The following URB1 variants were observed in gnomAD, a reference collection of about 807,000 sequenced individuals.
The protein encoded by URB1 is nucleolar pre-ribosomal-associated protein 1.
A neutral mutation model predicts 242.3 loss-of-function variants in URB1; 197 were observed. The observed-to-expected ratio is 0.81, with a 90% CI of 0.72 to 0.91. The LOEUF is 0.91. Among genes scored for constraint, URB1 ranks in the 40% least tolerant of loss-of-function variants. The pLI is 0.00. For synonymous variants in URB1, 1,153 were observed against 1,201.8 expected, an observed-to-expected ratio of 0.96 and a Z score of 0.84; for missense variants, 2,721 against 2,860.5, an observed-to-expected ratio of 0.95 and a Z score of 1.11.
At chr21:32,324,363 A>G (rs2032802512) in intron 32 of URB1, 128 bp downstream of exon 32, 5 of 744,158 alleles carry the variant, frequency 6.7e-6, no homozygotes, top group South Asian at 1.8e-5. Context: ...ATCTTCCACA[A>G]TCATGAGCAC....
At chr21:32,322,390 G>T (rs1232667248) in intron 33 of URB1, 88 bp downstream of exon 33, 3 of 1,215,148 alleles carry the variant, frequency 2.5e-6, no homozygotes, top group Admixed American at 2.0e-5. Flanking sequence ...CAGCATACAG[G>T]ATCCATGGGG....
chr21:32,376,231 A>C (rs1333563075), intron 5 of URB1, among the ~76,000 whole-genome samples: 1 of 152,202 alleles, frequency 6.6e-6, no homozygotes, highest in African/African-American at 2.4e-5. Context: ...TGGGTGATTT[A>C]GTTTGTTTAC....
intron 32 of URB1, among the ~76,000 whole-genome samples, chr21:32,323,224 A>C (rs2032788709): frequency 6.6e-6 from 1 of 152,194 alleles, no homozygotes; most frequent in Admixed American, 6.5e-5. Flanking sequence ...TCTCCAAGGC[A>C]AGTAAATCCA....
At chr21:32,325,694 C>T (rs2032821789) in intron 30 of URB1, among the ~76,000 whole-genome samples, 1 of 152,212 alleles carries the variant, frequency 6.6e-6, no homozygotes, top group South Asian at 2.1e-4. Context: ...CTGAGACCCA[C>T]TGCGGAGACC....
intron 18 of URB1, among the ~76,000 whole-genome samples, chr21:32,353,158 C>A (rs779798567): frequency 6.6e-6 from 1 of 152,166 alleles, no homozygotes; most frequent in Non-Finnish European, 1.5e-5. Context: ...ATGTAAAAGG[C>A]CAGGCAAAAG....
Position 32,341,709 on chromosome 21 carries a change from A to T in URB1, c.4258-185T>A, listed in dbSNP as rs576808053. ...GTCCCCTTCTGCTCTGACACTTGTG[A>T]TTCAACCCAGCAGCTGCTCTGTTCT... On this transcript the variant is annotated intron_variant, in intron 24 of 38. Transcript: ENST00000382751. Among the ~76,000 whole-genome samples, 35 of 152,248 alleles carry T rather than the reference A, an allele frequency of 2.3e-4. No homozygotes were observed. The South Asian group carries it at 7.3e-3, about 32-fold the overall frequency.
intron 7 of URB1, among the ~76,000 whole-genome samples, 176 bp downstream of exon 7, chr21:32,373,471 G>GA (rs1260697503): frequency 6.6e-6 from 1 of 151,866 alleles, no homozygotes; most frequent in Non-Finnish European, 1.5e-5. Flanking sequence ...GAAATTAGGG[G>GA]AAAAAAATCC....
chr21:32,382,687 C>G (rs1343748590), intron 4 of URB1, among the ~76,000 whole-genome samples: 1 of 152,110 alleles, frequency 6.6e-6, no homozygotes, highest in Admixed American at 6.5e-5. Context: ...GTTCACAGCA[C>G]TGAATTCCAG....
rs774304309 is a variant in URB1, at chr21:32,314,892, G to A, written c.*26C>T. On this transcript the variant is annotated 3_prime_UTR_variant, in exon 39 of 39. Transcript: ENST00000382751. ...GCTGTGCTCGAGGCTCTGGTCATCA[G>A]GGTGCAAGGTGCTGGCCGGCAGGAG... 1.9e-6 allele frequency: 3 copies of A among 1,542,564 alleles called. No homozygotes were observed. The highest frequency in any genetic ancestry group is 4.0e-5 in the Admixed American group (2 of 50,356).
chr21:32,346,905 T>C, intron 22 of URB1, 51 bp downstream of exon 22: 5 of 1,458,912 alleles, frequency 3.4e-6, no homozygotes, highest in South Asian at 2.9e-5. Context: ...TTCACCTTCT[T>C]AGCCCGTGCA....
chr21:32,319,473 A>G, intron 35 of URB1, 59 bp from the exon 36 acceptor site: 1 of 1,414,924 alleles, frequency 7.1e-7, no homozygotes, highest in African/African-American at 1.5e-5. Context: ...GCAGGATCAG[A>G]CTATCGCCCT....
chr21:32,367,073 G>A lies in URB1; in HGVS notation c.1198-318C>T, dbSNP rs1384129079. 2.6e-5 allele frequency among the ~76,000 whole-genome samples: 4 copies of A among 152,172 alleles called. No homozygotes were observed. In the East Asian group the frequency reaches 5.8e-4, roughly 22 times the overall value. On this transcript the variant is annotated intron_variant, in intron 9 of 38. Coordinates refer to ENST00000382751, the MANE Select transcript of URB1 (RefSeq NM_014825.3). ...ATGGTACTACTTACCAGTTCTTGCTGCACTTGACAGGCACCTGACAAATGA... is the reference window on the plus strand; with the variant it reads ...ATGGTACTACTTACCAGTTCTTGCTACACTTGACAGGCACCTGACAAATGA...
At chr21:32,340,339 C>G (rs1017136883) in intron 25 of URB1, among the ~76,000 whole-genome samples, 4 of 152,220 alleles carry the variant, frequency 2.6e-5, no homozygotes, top group African/African-American at 2.4e-5. Context: ...TGGCCGGGCA[C>G]AGTGGCTTAC....
Position 32,313,349 on chromosome 21 carries a change from G to A in URB1, c.*1569C>T, listed in dbSNP as rs1392938899. 1 of 152,272 alleles carries A rather than the reference G, an allele frequency of 6.6e-6. No individual in the cohort carries two copies. Among genetic ancestry groups the A allele is most frequent in the Non-Finnish European group, 1.5e-5 (1 of 68,064 alleles). 9.4% of individuals were successfully genotyped at this position (152,272 alleles called of 1,614,324 possible). On this transcript the variant is annotated 3_prime_UTR_variant, in exon 39 of 39. Transcript: ENST00000382751. ...AAGGAATCCCCAAAGATAGGCCTTG[G>A]AGAGGTGGATAAAGATTAAGGGGAA...
At chr21:32,390,443 A>C (rs2033625362) in intron 1 of URB1, among the ~76,000 whole-genome samples, 1 of 149,818 alleles carries the variant, frequency 6.7e-6, no homozygotes, top group African/African-American at 2.5e-5. Context: ...GTGTCTGTTC[A>C]TATCCTTTGC....
rs1162147752 is a variant in URB1, at chr21:32,362,169, A to G, written c.1510-148T>C. On this transcript the variant is annotated intron_variant, in intron 11 of 38. Coordinates refer to ENST00000382751, the MANE Select transcript of URB1 (RefSeq NM_014825.3). ...AAGAAGGAGAGGGAAGAGTGGTGAG[A>G]AAACAGGCCCAAATCCACATAAGTT... 42 of 1,074,800 alleles carry G rather than the reference A, an allele frequency of 3.9e-5. No homozygotes were observed. In the East Asian group the frequency reaches 1.1e-3, roughly 28 times the overall value. The allele number at this position is 1,074,800 out of a possible 1,614,324, so 66.6% of individuals were successfully genotyped here.
intron 8 of URB1, among the ~76,000 whole-genome samples, chr21:32,370,841 G>A (rs1215336906): frequency 1.3e-5 from 2 of 152,182 alleles, no homozygotes; most frequent in African/African-American, 2.4e-5. Flanking sequence ...ATACAATCTG[G>A]CCCTTTGTAG....
At chr21:32,321,464 C>T (rs2032764762) in intron 34 of URB1, among the ~76,000 whole-genome samples, 1 of 152,136 alleles carries the variant, frequency 6.6e-6, no homozygotes, top group African/African-American at 2.4e-5. Context: ...GACTTGTGAC[C>T]ACTCTGAAGG....
intron 30 of URB1, among the ~76,000 whole-genome samples, chr21:32,329,441 T>C (rs372001246): frequency 4.9e-4 from 75 of 152,304 alleles, no homozygotes; most frequent in African/African-American, 1.7e-3. Context: ...GGTCATCTAG[T>C]GATGAGGCTC....
Sources: allele counts gnomAD v4.1 joint callset (sites outside exome capture counted in the v4.1 genomes callset), GRCh38; gene constraint gnomAD v4.1.1; transcripts MANE v1.5; gene names NCBI Gene and HGNC (gene_info 2026-07-23, HGNC 2026-07-21).